GPR84: variants seen among roughly 807,000 people sequenced by gnomAD.
GPR84 encodes G protein-coupled receptor 84.
GPR84 carries 8 observed loss-of-function variants against 14.9 expected under a neutral mutation model. The observed-to-expected ratio is 0.54, with a 90% CI of 0.31 to 0.97. The LOEUF (loss-of-function observed/expected upper bound fraction) is 0.97. Ranked by LOEUF, GPR84 falls within the 50% of genes least tolerant of loss-of-function variation. The pLI, the probability that GPR84 is intolerant of heterozygous loss-of-function variation, is 0.04. For missense variants in GPR84, 424 were observed against 498.7 expected, an observed-to-expected ratio of 0.85 and a Z score of 1.43; for synonymous variants, 164 against 198.1, an observed-to-expected ratio of 0.83 and a Z score of 1.45.
In GPR84 at chr12:54,363,769, AC is replaced by A. The variant is rs759103894; in HGVS notation, c.82del (p.Val28TrpfsTer5). On this transcript the variant is annotated frameshift_variant, in exon 2 of 2. Transcript: ENST00000267015. LOFTEE classifies it high-confidence loss of function. ...GYRYVAVSWGVVVAVTGTVGN... is the reference protein window; with the variant it reads ...GYRYVAVSWGXVVAVTGTVGN... ...CACGGTGCCTGTCACAGCCACCACC[AC>A]CCCCCAGCTAACTGCAACATAACGA... The A allele has an allele frequency of 5.1e-5, 83 of 1,613,398 alleles. 1 individual carries two copies. Among genetic ancestry groups the A allele is most frequent in the Middle Eastern group, 4.9e-4 (3 of 6,084 alleles).
rs773041578 is a variant in GPR84 at position 54,362,854 on chromosome 12, A to G, written c.998T>C (p.Ile333Thr). 4 of 1,614,226 alleles carry G rather than the reference A, an allele frequency of 2.5e-6. No homozygotes were observed. Among genetic ancestry groups the G allele is most frequent in the African/African-American group, 1.3e-5 (1 of 75,064 alleles). The change falls in exon 2 of 2, where the codon ATC (isoleucine) becomes ACC (threonine). Residue 333 changes from isoleucine (I) to threonine (T), a missense_variant. Coordinates refer to ENST00000267015, the MANE Select transcript of GPR84 (RefSeq NM_020370.3). This position sits in a 1 kb window ranked among gnomAD's most constrained non-coding sequence, Gnocchi z 4.0. The part of the protein sequence containing the change: ...AVFLCFALSY[I>T]PFLLLNILDA... ...CAGAATGTTGAGCAGCAAGAAGGGG[A>G]TGTAGCTCAGGGCAAAGCAGAGGAA...
the GPR84 span, chr12:54,351,307 T>C: frequency 6.6e-6 from 1 of 152,170 alleles, no homozygotes; most frequent in Non-Finnish European, 1.5e-5. Context: ...GCAAAGCCAG[T>C]TCCTAAAACT....
chr12:54,360,437 A>G (rs1191072188), downstream of GPR84, among the ~76,000 whole-genome samples: 4 of 152,132 alleles, frequency 2.6e-5, no homozygotes, highest in East Asian at 1.9e-4. Flanking sequence ...AAGTTCCGAG[A>G]GCTAACTATG....
chr12:54,353,187 C>T, the GPR84 span, among the ~76,000 whole-genome samples: 34 of 152,254 alleles, frequency 2.2e-4, no homozygotes, highest in African/African-American at 7.5e-4. Context: ...TTTTTCAGGG[C>T]TATGAGTAAA....
chr12:54,359,403 C>A (rs1338182976), downstream of GPR84, among the ~76,000 whole-genome samples: 1 of 92,030 alleles, frequency 1.1e-5, no homozygotes, highest in Admixed American at 1.5e-4. Flanking sequence ...AAGAACAGCC[C>A]GGGCGGGCGA....
the GPR84 span, chr12:54,353,864 G>A: frequency 6.6e-6 from 1 of 152,224 alleles, no homozygotes; most frequent in Non-Finnish European, 1.5e-5. Flanking sequence ...AGACTGTCTG[G>A]AGAGGAGAAA....
chr12:54,363,895 C>T (rs1428023532), intron 1 of GPR84, 36 bp from the exon 2 acceptor site: 2 of 1,357,098 alleles, frequency 1.5e-6, no homozygotes, highest in African/African-American at 1.4e-5. Flanking sequence ...AAGAGGGAAT[C>T]AGAACCTAGC....
At chr12:54,363,926 A>ACAGTT in intron 1 of GPR84, 67 bp from the exon 2 acceptor site, 1 of 1,080,330 alleles carries the variant, frequency 9.3e-7, no homozygotes, top group Non-Finnish European at 1.3e-6. Context: ...GATCTCTTGA[A>ACAGTT]CAGTTCTGGG....
chr12:54,363,923 T>G, intron 1 of GPR84, 64 bp from the exon 2 acceptor site: 1 of 1,094,718 alleles, frequency 9.1e-7, no homozygotes, highest in Non-Finnish European at 1.3e-6. Flanking sequence ...TTAGATCTCT[T>G]GAACAGTTCT....
downstream of GPR84, among the ~76,000 whole-genome samples, chr12:54,358,326 T>A (rs1243412316): frequency 6.6e-6 from 1 of 152,034 alleles, no homozygotes; most frequent in Non-Finnish European, 1.5e-5. Context: ...CAATGGGTCT[T>A]CATAGGGGAG....
At chr12:54,353,454 T>C in the GPR84 span, among the ~76,000 whole-genome samples, 20 of 127,408 alleles carry the variant, frequency 1.6e-4, no homozygotes, top group Non-Finnish European at 3.3e-4. Context: ...CCCCCCTATG[T>C]CTATTCTTTC....
At chr12:54,356,791 C>T in the GPR84 span, among the ~76,000 whole-genome samples, 2 of 152,200 alleles carry the variant, frequency 1.3e-5, no homozygotes, top group East Asian at 3.8e-4. Flanking sequence ...AACTTGTGGT[C>T]TCTCTTAAAC....
At chr12:54,353,206 C>T in the GPR84 span, among the ~76,000 whole-genome samples, 1 of 152,196 alleles carries the variant, frequency 6.6e-6, no homozygotes, top group Non-Finnish European at 1.5e-5. Flanking sequence ...AACACATCCC[C>T]AAGCACTGAC....
chr12:54,363,963 A>G (rs1160417481), intron 1 of GPR84, 104 bp from the exon 2 acceptor site: 2 of 703,614 alleles, frequency 2.8e-6, no homozygotes, highest in Non-Finnish European at 4.6e-6. Context: ...CTGTTCCTGG[A>G]CCTCACCTTA....
chr12:54,354,404 A>G, the GPR84 span, among the ~76,000 whole-genome samples: 17 of 151,652 alleles, frequency 1.1e-4, no homozygotes, highest in Admixed American at 1.1e-3. Context: ...GGCATGAGCC[A>G]CTGCACCCGG....
At chr12:54,354,112 TTTTC>T in the GPR84 span, among the ~76,000 whole-genome samples, 3 of 150,818 alleles carry the variant, frequency 2.0e-5, no homozygotes, top group South Asian at 2.1e-4. Flanking sequence ...TTCTTTTCTC[TTTTC>T]TTTTTTTTTT....
chr12:54,353,422 C>G, the GPR84 span, among the ~76,000 whole-genome samples: 1 of 151,724 alleles, frequency 6.6e-6, no homozygotes, highest in East Asian at 1.9e-4. Flanking sequence ...CCAGATGTGG[C>G]GATTCCCCAT....
At chr12:54,358,003 C>T (rs914416000), downstream of GPR84, among the ~76,000 whole-genome samples, 1 of 152,142 alleles carries the variant, frequency 6.6e-6, no homozygotes, top group Non-Finnish European at 1.5e-5. Flanking sequence ...TTCCTCACCT[C>T]CGTCTGTGCT....
In GPR84 at chr12:54,363,528, G is replaced by A; in HGVS notation, c.324C>T (p.Ile108=). Reference sequence around the variant, plus strand: ...CCAGTGCGATGAGGCAGAGGGTCAGGATGGAGACAGAATTGGAGGCAAAAA... The same window carrying A: ...CCAGTGCGATGAGGCAGAGGGTCAGAATGGAGACAGAATTGGAGGCAAAAA... ...LLLFASNSVS[I]LTLCLIALGR... is the part of the protein sequence containing the mutation. Residue 108 remains isoleucine, a synonymous_variant, in exon 2 of 2, where the codon ATC becomes ATT. Transcript: ENST00000267015. 6.2e-7 allele frequency: 1 copy of A among 1,614,026 alleles called. No homozygotes were observed. The highest frequency in any genetic ancestry group is 8.5e-7 in the Non-Finnish European group (1 of 1,179,964).
Sources: allele counts gnomAD v4.1 joint callset (sites outside exome capture counted in the v4.1 genomes callset), GRCh38; gene constraint gnomAD v4.1.1; non-coding constraint Gnocchi (gnomAD v3.1); transcripts MANE v1.5; gene names NCBI Gene and HGNC (gene_info 2026-07-23, HGNC 2026-07-21).